Variants in SYT14 observed in about 807,000 individuals in gnomAD.
The protein encoded by SYT14 is synaptotagmin 14, also known as synaptotagmin-14.
Under a neutral mutation model 74.2 loss-of-function variants are expected in SYT14, and 32 were observed. That is an observed-to-expected ratio of 0.43 (90% CI 0.33 to 0.58). SYT14 has a LOEUF of 0.58. SYT14 is among the 20% of genes least tolerant of loss of function. SYT14 has a pLI of 0.05. For synonymous variants in SYT14, 298 were observed against 337.7 expected (o/e 0.88, Z 1.29); for missense variants, 791 against 981.8 (o/e 0.81, Z 2.60).
intron 2 of SYT14, among the ~76,000 whole-genome samples, chr1:210,003,229 G>A (rs2079933224): frequency 6.6e-6 from 1 of 152,114 alleles, no homozygotes; most frequent in Admixed American, 6.6e-5. Context: ...GAATCCATGT[G>A]TGCAAGTGTC....
chr1:209,979,365 T>C (rs2079437274), intron 2 of SYT14, among the ~76,000 whole-genome samples: 1 of 152,170 alleles, frequency 6.6e-6, no homozygotes, highest in African/African-American at 2.4e-5. Context: ...AGATCTTTCT[T>C]CCACCCTTTT....
chr1:210,078,299 G>A, intron 5 of SYT14, among the ~76,000 whole-genome samples: 1 of 101,882 alleles, frequency 9.8e-6, no homozygotes, highest in African/African-American at 3.8e-5. Context: ...GACAGAGCGA[G>A]ACTCCGTCTC....
chr1:209,979,490 G>A (rs1379523402), intron 2 of SYT14, among the ~76,000 whole-genome samples: 3 of 152,040 alleles, frequency 2.0e-5, no homozygotes, highest in Non-Finnish European at 4.4e-5. Context: ...AGGATGCGAA[G>A]GTTTGTTGCA....
At chr1:210,036,039 A>G (rs2080654864) in intron 5 of SYT14, among the ~76,000 whole-genome samples, 1 of 152,030 alleles carries the variant, frequency 6.6e-6, no homozygotes, top group Non-Finnish European at 1.5e-5. Flanking sequence ...ATCCCTGAGC[A>G]TGGGTTGTCT....
At chr1:210,074,297 T>G (rs1457746059) in intron 5 of SYT14, among the ~76,000 whole-genome samples, 1 of 152,188 alleles carries the variant, frequency 6.6e-6, no homozygotes, top group African/African-American at 2.4e-5. Flanking sequence ...ATTCCTGATT[T>G]ACAGATGAGC....
Position 210,099,985 on chromosome 1 carries a change from T to C in SYT14, c.1585-27T>C, listed in dbSNP as rs760994552. The C allele has an allele frequency of 5.6e-6, 9 of 1,601,284 alleles. No homozygotes were observed. The African/African-American group carries it at 1.2e-4, about 21-fold the overall frequency. On this transcript the variant is annotated intron_variant, in intron 6 of 9. Transcript: ENST00000637265. The stretch of plus-strand genomic sequence containing the variant: ...TAGGTTAAATAATTGAGTTAAAAAC[T>C]CTAACATTTAAATTTTCTTTTCTTA...
At position 210,160,903 on chromosome 1, in the gene SYT14, G is replaced by C. The variant is rs147409177; in HGVS notation, c.2456G>C (p.Ser819Thr). Reference sequence around the variant, plus strand: ...ATACTGTCTGTGTATAACAAACGCAGCATGAAAAGAAAAGAGATGATAGGC... The same window carrying C: ...ATACTGTCTGTGTATAACAAACGCACCATGAAAAGAAAAGAGATGATAGGC... The change falls in exon 10 of 10, where the codon AGC becomes ACC. Residue 819 changes from serine (S) to threonine (T), a missense_variant. Physicochemically the swap from Ser to Thr is moderately conservative, Grantham distance 58 (BLOSUM62 1). Coordinates refer to ENST00000637265, the Ensembl canonical transcript of SYT14. 2.5e-6 allele frequency: 4 copies of C among 1,613,976 alleles called. No homozygotes were observed. In the South Asian group the frequency reaches 4.4e-5, roughly 18 times the overall value.
rs373902188 is a variant in SYT14 at position 210,138,649 on chromosome 1, A to G, written c.2035-17072A>G. On this transcript the variant is annotated intron_variant, in intron 7 of 9. Transcript: ENST00000637265. ...AATTCTATTAATACTAAATTCATACATCACAGTCACTGCTTTTTCTATATT... is the reference window on the plus strand; with the variant it reads ...AATTCTATTAATACTAAATTCATACGTCACAGTCACTGCTTTTTCTATATT... Among the ~76,000 whole-genome samples, 19 of 152,370 alleles carry G rather than the reference A, an allele frequency of 1.2e-4. No individual in the cohort carries two copies. In the East Asian group the frequency reaches 2.5e-3, roughly 20 times the overall value.
intron 5 of SYT14, among the ~76,000 whole-genome samples, chr1:210,030,917 GT>G (rs1475543389): frequency 1.6e-5 from 1 of 63,912 alleles, no homozygotes; most frequent in Non-Finnish European, 4.4e-5. Flanking sequence ...TGTTTGTTTT[GT>G]TTTGTTTTGT....
intron 2 of SYT14, among the ~76,000 whole-genome samples, chr1:209,968,770 G>C (rs1285349422): frequency 1.3e-5 from 2 of 151,306 alleles, no homozygotes; most frequent in East Asian, 3.9e-4. Flanking sequence ...TAGATTCAAG[G>C]GGTACATGTG....
chr1:210,114,264 A>T (rs2082316423), intron 7 of SYT14, among the ~76,000 whole-genome samples: 1 of 151,386 alleles, frequency 6.6e-6, no homozygotes. Context: ...CCAGATTTCC[A>T]GCACTTAAAG....
chr1:209,939,046 C>T (rs534917628), intron 1 of SYT14, among the ~76,000 whole-genome samples: 1 of 152,246 alleles, frequency 6.6e-6, no homozygotes, highest in African/African-American at 2.4e-5. Flanking sequence ...AATTAAGTTC[C>T]TAGATAAGGT....
chr1:210,162,409 A>G (rs1157219376), exon 10 of SYT14: 2 of 398,568 alleles, frequency 5.0e-6, no homozygotes, highest in Non-Finnish European at 9.7e-6. Flanking sequence ...AGGCACTTTC[A>G]TTTGTTTTTA....
intron 2 of SYT14, among the ~76,000 whole-genome samples, chr1:209,968,381 A>G (rs905616022): frequency 2.0e-5 from 3 of 151,860 alleles, no homozygotes; most frequent in African/African-American, 4.8e-5. Context: ...TCCATACTCC[A>G]TATGGATAGT....
intron 5 of SYT14, among the ~76,000 whole-genome samples, chr1:210,067,681 A>G (rs940719194): frequency 6.6e-6 from 1 of 151,916 alleles, no homozygotes; most frequent in Non-Finnish European, 1.5e-5. Flanking sequence ...CTTCTTACTG[A>G]TCTTTTATGT....
At chr1:210,153,326 T>G (rs1052563976) in intron 7 of SYT14, among the ~76,000 whole-genome samples, 1 of 152,138 alleles carries the variant, frequency 6.6e-6, no homozygotes, top group Non-Finnish European at 1.5e-5. Context: ...ACTAATGAAG[T>G]CAAACAATTC....
At chr1:210,050,823 T>C (rs2102377101) in intron 5 of SYT14, among the ~76,000 whole-genome samples, 1 of 152,248 alleles carries the variant, frequency 6.6e-6, no homozygotes, top group Non-Finnish European at 1.5e-5. Flanking sequence ...TATAATTCAA[T>C]CCCTTTCCAT....
At chr1:210,085,025 C>T (rs1164222269) in intron 5 of SYT14, among the ~76,000 whole-genome samples, 2 of 152,148 alleles carry the variant, frequency 1.3e-5, no homozygotes, top group Non-Finnish European at 2.9e-5. Flanking sequence ...GCAGGCACTG[C>T]CTAGAATGCC....
intron 2 of SYT14, among the ~76,000 whole-genome samples, chr1:210,010,886 G>A (rs1325511465): frequency 6.6e-6 from 1 of 152,082 alleles, no homozygotes; most frequent in Non-Finnish European, 1.5e-5. Context: ...TTTACAATGG[G>A]GATGATAATA....
Sources: gnomAD v4.1 joint callset for allele counts (sites outside exome capture counted in the v4.1 genomes callset) on GRCh38, gnomAD v4.1.1 for gene constraint, MANE v1.5 for transcripts, NCBI Gene and HGNC (gene_info 2026-07-23, HGNC 2026-07-21) for gene names.